Variants in GRIN3A observed in about 807,000 individuals in gnomAD.
The protein encoded by GRIN3A is glutamate receptor ionotropic, NMDA 3A.
Under a neutral mutation model 92.4 loss-of-function variants are expected in GRIN3A, and 47 were observed. The ratio of observed to expected loss-of-function variants is 0.51; its 90% CI spans 0.40 to 0.65. The LOEUF (loss-of-function observed/expected upper bound fraction) is 0.65. GRIN3A is among the 30% of genes least tolerant of loss of function. The pLI is 0.00. For synonymous variants in GRIN3A, 527 were observed against 540.6 expected, an observed-to-expected ratio of 0.97 and a Z score of 0.35; for missense variants, 1,324 against 1,393.1, an observed-to-expected ratio of 0.95 and a Z score of 0.79.
intron 3 of GRIN3A, among the ~76,000 whole-genome samples, chr9:101,634,836 G>A (rs547722085): frequency 6.6e-6 from 1 of 152,154 alleles, no homozygotes; most frequent in Admixed American, 6.5e-5. Flanking sequence ...TCTAAAAGGG[G>A]GACACTATTG....
intron 6 of GRIN3A, among the ~76,000 whole-genome samples, chr9:101,579,938 C>T (rs990525250): frequency 2.0e-5 from 3 of 152,114 alleles, no homozygotes; most frequent in Non-Finnish European, 4.4e-5. Flanking sequence ...ATGGTTTTGG[C>T]CAACTTGTGG....
In GRIN3A at chr9:101,687,093, C is replaced by T. The variant is rs773115568; in HGVS notation, c.807G>A (p.Leu269=). 2 of 1,614,094 alleles carry T rather than the reference C, an allele frequency of 1.2e-6. No individual in the cohort carries two copies. Among genetic ancestry groups the T allele is most frequent in the East Asian group, 2.2e-5 (1 of 44,868 alleles). ...CGGTGATGTTCCAGTCTTCCTGGCA[C>T]AGCAACAAGCTAAAATTGTACCAGT... ...MNNWYNFSLL[L]CQEDWNITDF... Residue 269 remains leucine (L), a synonymous_variant, in exon 2 of 9, where the codon CTG becomes CTA. Coordinates refer to ENST00000361820, the MANE Select transcript of GRIN3A (RefSeq NM_133445.3).
intron 5 of GRIN3A, among the ~76,000 whole-genome samples, chr9:101,623,096 A>G (rs1242126621): frequency 6.6e-6 from 1 of 152,094 alleles, no homozygotes; most frequent in Non-Finnish European, 1.5e-5. Flanking sequence ...TATGGGTAAC[A>G]ATGATTTTTC....
chr9:101,731,911 A>G (rs1261768455), intron 1 of GRIN3A, among the ~76,000 whole-genome samples: 5 of 152,220 alleles, frequency 3.3e-5, no homozygotes, highest in African/African-American at 7.2e-5. Flanking sequence ...TCATTCAAAC[A>G]TTCACTCAAA....
At chr9:101,633,281 T>C (rs1828737477) in intron 3 of GRIN3A, among the ~76,000 whole-genome samples, 1 of 152,198 alleles carries the variant, frequency 6.6e-6, no homozygotes, top group Non-Finnish European at 1.5e-5. Flanking sequence ...GACCTGGTAT[T>C]ATGTTCTTTG....
At chr9:101,619,098 T>G (rs1033820218) in intron 5 of GRIN3A, among the ~76,000 whole-genome samples, 1 of 152,218 alleles carries the variant, frequency 6.6e-6, no homozygotes, top group Non-Finnish European at 1.5e-5. Context: ...AAATATATTT[T>G]AGCTAGCAAA....
intron 3 of GRIN3A, among the ~76,000 whole-genome samples, chr9:101,630,602 A>G (rs1340085567): frequency 1.3e-5 from 2 of 152,214 alleles, no homozygotes; most frequent in African/African-American, 4.8e-5. Context: ...ACAACTGTGT[A>G]ACATTGCTTC....
Position 101,737,289 on chromosome 9 carries a change from C to T in GRIN3A, c.691G>A (p.Glu231Lys). Reference sequence around the variant, plus strand: ...CACCAGGCTCCTCTCACCTGACTCTCCCGTGGAAACTCGTGGCGCACGATG... The same window carrying T: ...CACCAGGCTCCTCTCACCTGACTCTTCCGTGGAAACTCGTGGCGCACGATG... ...ISIVRHEFPRESQNPLHLQLS... is the reference protein window; with the variant it reads ...ISIVRHEFPRKSQNPLHLQLS... Residue 231 changes from glutamate (E) to lysine (K), a missense_variant, in exon 1 of 9, where the codon GAG (glutamate) becomes AAG (lysine). Glu to Lys is a moderately conservative substitution (Grantham distance 56). Transcript: ENST00000361820. 1 of 1,614,132 alleles carries T rather than the reference C, an allele frequency of 6.2e-7. No homozygotes were observed. The highest frequency in any genetic ancestry group is 1.1e-5 in the South Asian group (1 of 91,080).
intron 3 of GRIN3A, among the ~76,000 whole-genome samples, chr9:101,665,666 C>T (rs1451295637): frequency 2.0e-5 from 3 of 151,754 alleles, no homozygotes; most frequent in Admixed American, 6.6e-5. Flanking sequence ...TTTCGGCTTA[C>T]GGCAGAAAAA....
intron 3 of GRIN3A, among the ~76,000 whole-genome samples, chr9:101,644,967 A>G (rs1002369445): frequency 2.0e-5 from 3 of 151,942 alleles, no homozygotes; most frequent in African/African-American, 4.8e-5. Flanking sequence ...GATGATTAGG[A>G]TATTAATCAT....
intron 1 of GRIN3A, among the ~76,000 whole-genome samples, chr9:101,716,470 A>G (rs1829949630): frequency 6.6e-6 from 1 of 152,212 alleles, no homozygotes; most frequent in Non-Finnish European, 1.5e-5. Flanking sequence ...CTATTTTATG[A>G]GTAAGGTTTT....
At chr9:101,621,178 G>A (rs555874489) in intron 5 of GRIN3A, among the ~76,000 whole-genome samples, 10 of 151,772 alleles carry the variant, frequency 6.6e-5, no homozygotes, top group African/African-American at 1.4e-4. Context: ...CCAGCTACCC[G>A]GGAGGCTGAG....
At chr9:101,666,125 G>A (rs1350291743) in intron 3 of GRIN3A, among the ~76,000 whole-genome samples, 1 of 151,744 alleles carries the variant, frequency 6.6e-6, no homozygotes, top group Non-Finnish European at 1.5e-5. Flanking sequence ...CCAACATCCT[G>A]GGACTCCTTA....
In GRIN3A at chr9:101,693,856, A is replaced by G. The variant is rs28680751; in HGVS notation, c.700-6656T>C. The stretch of plus-strand genomic sequence containing the variant: ...AGTTTTGTGTTTGGTAGAGTAAGCA[A>G]GTTTGGAAAAGCTCACCTAAAGTTT... On this transcript the variant is annotated intron_variant, in intron 1 of 8. Coordinates refer to ENST00000361820, the MANE Select transcript of GRIN3A (RefSeq NM_133445.3). Among the ~76,000 whole-genome samples, 1,355 of 152,310 alleles carry G rather than the reference A, an allele frequency of 8.9e-3. 22 individuals carry two copies. The highest frequency in any genetic ancestry group is 0.031 in the African/African-American group (1,289 of 41,564).
intron 1 of GRIN3A, among the ~76,000 whole-genome samples, chr9:101,732,301 G>A (rs1236164209): frequency 3.3e-5 from 5 of 152,186 alleles, no homozygotes. Flanking sequence ...AGGAGTGAGA[G>A]TGGGGTAGAC....
chr9:101,589,796 G>T (rs1827999058), intron 6 of GRIN3A, among the ~76,000 whole-genome samples: 1 of 152,022 alleles, frequency 6.6e-6, no homozygotes, highest in Non-Finnish European at 1.5e-5. Context: ...TGATTATGGG[G>T]ATAAATATTT....
intron 3 of GRIN3A, among the ~76,000 whole-genome samples, chr9:101,647,050 A>G (rs949171120): frequency 2.0e-5 from 3 of 151,896 alleles, no homozygotes; most frequent in Non-Finnish European, 2.9e-5. Context: ...AAGTGGTAAA[A>G]GTGTGCATCC....
intron 1 of GRIN3A, among the ~76,000 whole-genome samples, chr9:101,689,510 A>G (rs921431369): frequency 6.6e-6 from 1 of 152,348 alleles, no homozygotes; most frequent in South Asian, 2.1e-4. Context: ...TGATTAATTC[A>G]TATAATCACA....
At chr9:101,657,630 CT>C (rs1161905588) in intron 3 of GRIN3A, among the ~76,000 whole-genome samples, 1 of 151,890 alleles carries the variant, frequency 6.6e-6, no homozygotes, top group East Asian at 1.9e-4. Flanking sequence ...TTGGAGATGT[CT>C]AACTGCAGGG....
Sources: allele counts gnomAD v4.1 joint callset (sites outside exome capture counted in the v4.1 genomes callset), GRCh38; gene constraint gnomAD v4.1.1; transcripts MANE v1.5; gene names NCBI Gene and HGNC (gene_info 2026-07-23, HGNC 2026-07-21).